The following BNC2 variants were observed in gnomAD, a reference collection of about 807,000 sequenced individuals.
BNC2 encodes basonuclin zinc finger protein 2.
In BNC2, 20 loss-of-function variants were observed where a neutral mutation model predicts 76.3. The ratio of observed to expected loss-of-function variants is 0.26; its 90% confidence interval spans 0.18 to 0.38. The LOEUF (loss-of-function observed/expected upper bound fraction) is 0.38, where lower values mean the gene tolerates loss of function less well. Ranked by LOEUF, BNC2 falls within the 10% of genes least tolerant of loss-of-function variation. BNC2 has a pLI of 1.00. For synonymous variants in BNC2, 582 were observed against 514.8 expected (o/e 1.13, Z -1.77); for missense variants, 1,382 against 1,399.8 (o/e 0.99, Z 0.20).
At chr9:16,762,941 C>T (rs1410458273) in intron 1 of BNC2, among the ~76,000 whole-genome samples, 2 of 152,094 alleles carry the variant, frequency 1.3e-5, no homozygotes, top group African/African-American at 4.8e-5. Flanking sequence ...CAGATAGATA[C>T]TATCATTTCC....
intron 1 of BNC2, among the ~76,000 whole-genome samples, chr9:16,831,298 G>A (rs542433066): frequency 1.1e-4 from 17 of 152,306 alleles, no homozygotes; most frequent in South Asian, 4.1e-4. Context: ...TTTGCACAAT[G>A]AAGTGCCAAA....
At chr9:16,607,958 T>C (rs1820429905) in intron 3 of BNC2, among the ~76,000 whole-genome samples, 1 of 152,196 alleles carries the variant, frequency 6.6e-6, no homozygotes, top group African/African-American at 2.4e-5. Flanking sequence ...ATGACCAATA[T>C]GGAGTTCCAG....
At chr9:16,780,110 C>T (rs574222450) in intron 1 of BNC2, among the ~76,000 whole-genome samples, 2 of 151,564 alleles carry the variant, frequency 1.3e-5, no homozygotes, top group East Asian at 1.9e-4. Flanking sequence ...GTGGCGGGTG[C>T]CTGTAGTCCC....
intron 1 of BNC2, among the ~76,000 whole-genome samples, chr9:16,865,447 A>G (rs1269203519): frequency 1.3e-5 from 2 of 152,210 alleles, no homozygotes; most frequent in East Asian, 1.9e-4. Context: ...ACTTCACAGC[A>G]GTTACTAGCA....
At chr9:16,475,397 G>C (rs544707328) in intron 5 of BNC2, among the ~76,000 whole-genome samples, 2 of 152,096 alleles carry the variant, frequency 1.3e-5, no homozygotes, top group African/African-American at 4.8e-5. Flanking sequence ...CAAAGAAAAA[G>C]CTAATGGGCT....
At chr9:16,431,044 C>G (rs1820898367) in intron 6 of BNC2, among the ~76,000 whole-genome samples, 1 of 152,146 alleles carries the variant, frequency 6.6e-6, no homozygotes, top group Non-Finnish European at 1.5e-5. Context: ...CAACTACTGG[C>G]CACTACTCTG....
At position 16,410,406 on chromosome 9, in the gene BNC2, C is replaced by T. The variant is rs1346041281; in HGVS notation, c.*8583G>A. On this transcript the variant is annotated 3_prime_UTR_variant, in exon 7 of 7. Coordinates refer to ENST00000380672, the MANE Select transcript of BNC2 (RefSeq NM_017637.6). ...AAGCCCAAGTCTTCTCCCCATTTCT[C>T]GACCGTCCTCACCCCTCTGACCTTC... 1 of 152,698 alleles carries T rather than the reference C, an allele frequency of 6.5e-6. No individual in the cohort carries two copies. The highest frequency in any genetic ancestry group is 1.5e-5 in the Non-Finnish European group (1 of 68,124). 9.5% of individuals were successfully genotyped at this position (152,698 alleles called of 1,614,324 possible). A position where few individuals can be genotyped will look rare whatever the true frequency, so the allele number is the denominator to read the frequency against.
chr9:16,667,815 A>G (rs1460502552), intron 3 of BNC2, among the ~76,000 whole-genome samples: 1 of 152,192 alleles, frequency 6.6e-6, no homozygotes, highest in Non-Finnish European at 1.5e-5. Context: ...ACAAAGATCA[A>G]CACAACTTTA....
intron 1 of BNC2, among the ~76,000 whole-genome samples, chr9:16,766,104 G>GTACC (rs1319172782): frequency 1.3e-5 from 2 of 152,158 alleles, no homozygotes; most frequent in Non-Finnish European, 2.9e-5. Context: ...TTTCTTAAGT[G>GTACC]TACCCTGTTA....
At chr9:16,802,380 A>G (rs1046670225) in intron 1 of BNC2, among the ~76,000 whole-genome samples, 4 of 152,200 alleles carry the variant, frequency 2.6e-5, no homozygotes, top group Non-Finnish European at 2.9e-5. Context: ...GACACTTGCA[A>G]TGCAGCCAGG....
intron 3 of BNC2, among the ~76,000 whole-genome samples, chr9:16,668,385 G>A (rs1311347892): frequency 2.6e-5 from 4 of 152,152 alleles, no homozygotes; most frequent in African/African-American, 9.7e-5. Context: ...AAACCATTGT[G>A]ACACTCTGGG....
At chr9:16,463,375 C>A (rs961770156) in intron 5 of BNC2, among the ~76,000 whole-genome samples, 10 of 132,682 alleles carry the variant, frequency 7.5e-5, no homozygotes, top group African/African-American at 1.0e-4. Context: ...CGGCTCACTG[C>A]AAGCTCCGCC....
At chr9:16,793,399 T>C (rs534641488) in intron 1 of BNC2, among the ~76,000 whole-genome samples, 1 of 152,188 alleles carries the variant, frequency 6.6e-6, no homozygotes, top group East Asian at 1.9e-4. Context: ...GTTCTGCCAG[T>C]GGTGAAAATG....
At chr9:16,451,707 A>G (rs1327983711) in intron 5 of BNC2, among the ~76,000 whole-genome samples, 2 of 152,062 alleles carry the variant, frequency 1.3e-5, no homozygotes, top group Admixed American at 6.6e-5. Context: ...TTCCTCTCCT[A>G]TCTTTTTCCT....
chr9:16,741,401 C>T (rs1298884300), intron 1 of BNC2, among the ~76,000 whole-genome samples: 2 of 149,774 alleles, frequency 1.3e-5, no homozygotes, highest in Non-Finnish European at 3.0e-5. Context: ...TGCGGTGAGC[C>T]GAGATCACGC....
chr9:16,569,491 C>A (rs560011827), intron 4 of BNC2, among the ~76,000 whole-genome samples: 21 of 152,244 alleles, frequency 1.4e-4, no homozygotes, highest in African/African-American at 4.8e-4. Context: ...ATATTTCAAA[C>A]TGAATGGCAT....
intron 5 of BNC2, among the ~76,000 whole-genome samples, chr9:16,462,525 T>C (rs1821605680): frequency 6.6e-6 from 1 of 152,084 alleles, no homozygotes; most frequent in African/African-American, 2.4e-5. Flanking sequence ...AGACAAAGTT[T>C]GGAGAAAAGT....
At chr9:16,742,709 A>G (rs187042576) in intron 1 of BNC2, among the ~76,000 whole-genome samples, 115 of 152,240 alleles carry the variant, frequency 7.6e-4, no homozygotes, top group African/African-American at 2.6e-3. Context: ...GCATTATAAA[A>G]CCAATACTAA....
chr9:16,577,091 T>C (rs1819507579), intron 4 of BNC2, among the ~76,000 whole-genome samples: 1 of 152,208 alleles, frequency 6.6e-6, no homozygotes, highest in African/African-American at 2.4e-5. Context: ...TTAGGATTTA[T>C]GCAAATTGAG....
Sources: gnomAD v4.1 joint callset for allele counts (sites outside exome capture counted in the v4.1 genomes callset) on GRCh38, gnomAD v4.1.1 for gene constraint, MANE v1.5 for transcripts, NCBI Gene and HGNC (gene_info 2026-07-23, HGNC 2026-07-21) for gene names.